Variants in MYRFL observed in about 807,000 individuals in gnomAD.
MYRFL encodes the protein myelin regulatory factor like.
Under a neutral mutation model 109.4 loss-of-function variants are expected in MYRFL, and 88 were observed. That is an observed-to-expected ratio of 0.80 (90% CI 0.68 to 0.96). The LOEUF is 0.96. MYRFL is among the 40% of genes least tolerant of loss of function. The pLI, the probability that MYRFL is intolerant of heterozygous loss-of-function variation, is 0.00. For missense variants in MYRFL, 957 were observed against 954.9 expected, an observed-to-expected ratio of 1.00 and a Z score of -0.03; for synonymous variants, 324 against 320.9, an observed-to-expected ratio of 1.01 and a Z score of -0.10.
intron 8 of MYRFL, 108 bp from the exon 9 acceptor site, chr12:69,895,263 G>A: frequency 1.3e-6 from 1 of 793,196 alleles, no homozygotes; most frequent in Non-Finnish European, 2.0e-6. Context: ...AGTGTGGTGA[G>A]AACTGGGAAC....
At chr12:69,921,710 G>A (rs1954921726) in intron 13 of MYRFL, among the ~76,000 whole-genome samples, 1 of 152,092 alleles carries the variant, frequency 6.6e-6, no homozygotes. Context: ...TCTTGAATAG[G>A]AAAATATATG....
intron 13 of MYRFL, among the ~76,000 whole-genome samples, chr12:69,915,274 T>C (rs1415537650): frequency 6.6e-6 from 1 of 152,184 alleles, no homozygotes; most frequent in Admixed American, 6.5e-5. Context: ...TGCCAGGACG[T>C]CCTGGGCTTC....
At chr12:69,882,004 C>T (rs929579577) in intron 5 of MYRFL, among the ~76,000 whole-genome samples, 3 of 152,172 alleles carry the variant, frequency 2.0e-5, no homozygotes, top group African/African-American at 7.2e-5. Context: ...GTCACTCAAA[C>T]CTTCCAAGAA....
At chr12:69,855,832 A>C (rs990279366) in intron 2 of MYRFL, among the ~76,000 whole-genome samples, 9 of 151,280 alleles carry the variant, frequency 5.9e-5, no homozygotes, top group African/African-American at 2.2e-4. Context: ...AGTTTTTTTA[A>C]TCTCTCAAAG....
chr12:69,832,634 T>A (rs540183630), intron 1 of MYRFL, among the ~76,000 whole-genome samples: 2 of 152,024 alleles, frequency 1.3e-5, no homozygotes, highest in East Asian at 3.9e-4. Context: ...GAAGAACATT[T>A]TAGGTAAAAA....
intron 6 of MYRFL, among the ~76,000 whole-genome samples, chr12:69,889,703 A>C (rs1015927445): frequency 2.0e-5 from 3 of 152,100 alleles, no homozygotes; most frequent in Admixed American, 6.5e-5. Flanking sequence ...AAAAAATACA[A>C]AAATTGGTTG....
At chr12:69,898,198 T>G (rs1453864568) in intron 10 of MYRFL, among the ~76,000 whole-genome samples, 1 of 152,216 alleles carries the variant, frequency 6.6e-6, no homozygotes, top group Non-Finnish European at 1.5e-5. Context: ...AAATGGCATC[T>G]CTCCTTGCCC....
rs544231620 is a variant in MYRFL, at chr12:69,940,486, A to T, written c.2224+3854A>T. Among the ~76,000 whole-genome samples, 599 of 150,432 alleles carry T rather than the reference A, an allele frequency of 4.0e-3. 8 individuals are homozygous for T. The highest frequency in any genetic ancestry group is 0.013 in the African/African-American group (549 of 41,148). On this transcript the variant is annotated intron_variant, in intron 19 of 24. Coordinates refer to ENST00000552032, the MANE Select transcript of MYRFL (RefSeq NM_182530.3). ...AAGTGAAGGAGAAATAAAATACTTT[A>T]CAGACAAGCAAATGCTGAGAGATTT...
At chr12:69,881,366 C>G (rs1035119045) in intron 5 of MYRFL, among the ~76,000 whole-genome samples, 36 of 152,328 alleles carry the variant, frequency 2.4e-4, no homozygotes, top group African/African-American at 8.4e-4. Context: ...CAGTTTGTCA[C>G]CTTAGCAAGA....
At chr12:69,916,663 G>A (rs903169502) in intron 13 of MYRFL, among the ~76,000 whole-genome samples, 1 of 151,854 alleles carries the variant, frequency 6.6e-6, no homozygotes, top group Non-Finnish European at 1.5e-5. Context: ...TTTCCCACTG[G>A]CCCTTTACTG....
Position 69,941,942 on chromosome 12 carries a change from G to A in MYRFL, c.2224+5310G>A, listed in dbSNP as rs1244882225. Reference sequence around the variant, plus strand: ...ATAAACTAGAAAATCTAGAAGAAATGGATAAATTCCTGGACACATACACTC... The same window carrying A: ...ATAAACTAGAAAATCTAGAAGAAATAGATAAATTCCTGGACACATACACTC... On this transcript the variant is annotated intron_variant, in intron 19 of 24. Transcript: ENST00000552032. Among the ~76,000 whole-genome samples the A allele has an allele frequency of 2.1e-4, 32 of 151,132 alleles. 1 individual carries two copies. The East Asian group carries it at 5.4e-3, about 26-fold the overall frequency.
chr12:69,939,203 G>A (rs2120497480), intron 19 of MYRFL, among the ~76,000 whole-genome samples: 1 of 152,328 alleles, frequency 6.6e-6, no homozygotes, highest in Admixed American at 6.5e-5. Context: ...GCTCAAGGAG[G>A]CCTGCCTGCC....
rs1440969017 is a variant in MYRFL, at chr12:69,952,194, G to A, written c.2287+19G>A. ...AGTGACTGTAAGTTGACATTTAAGTGACACTATTCTTTGGCTTTGCGGGGC... is the reference window on the plus strand; with the variant it reads ...AGTGACTGTAAGTTGACATTTAAGTAACACTATTCTTTGGCTTTGCGGGGC... On this transcript the variant is annotated intron_variant, in intron 20 of 24. Coordinates refer to ENST00000552032, the MANE Select transcript of MYRFL (RefSeq NM_182530.3). 6.5e-7 allele frequency: 1 copy of A among 1,535,302 alleles called. No individual in the cohort carries two copies. Among genetic ancestry groups the A allele is most frequent in the East Asian group, 2.4e-5 (1 of 40,922 alleles).
chr12:69,856,930 A>G (rs1884328155), intron 2 of MYRFL, among the ~76,000 whole-genome samples: 1 of 151,844 alleles, frequency 6.6e-6, no homozygotes, highest in African/African-American at 2.4e-5. Flanking sequence ...TTCTTATATG[A>G]CTTACGGTTT....
chr12:69,957,874 T>C lies in MYRFL; in HGVS notation c.2503T>C (p.Cys835Arg), dbSNP rs1956129447. ...GTGCAAATTCACCCTTGGAAATATA[T>C]GTTTCCATAGTAAAAGGGGAACCAA... ...FQCKFTLGNICFHSKRGTKGL... is the reference protein window; with the variant it reads ...FQCKFTLGNIRFHSKRGTKGL... The change falls in exon 23 of 25, where the codon TGT becomes CGT. Residue 835 changes from cysteine (C) to arginine (R), a missense_variant. Transcript: ENST00000552032. The C allele has an allele frequency of 6.5e-7, 1 of 1,535,206 alleles. No homozygotes were observed. The highest frequency in any genetic ancestry group is 8.7e-7 in the Non-Finnish European group (1 of 1,146,168).
chr12:69,953,430 G>A (rs1956026095), intron 21 of MYRFL, among the ~76,000 whole-genome samples: 1 of 152,150 alleles, frequency 6.6e-6, no homozygotes, highest in Non-Finnish European at 1.5e-5. Flanking sequence ...AGCAGAGGGT[G>A]CAAGTTGCTT....
chr12:69,949,554 G>T, intron 19 of MYRFL, among the ~76,000 whole-genome samples: 1 of 152,074 alleles, frequency 6.6e-6, no homozygotes, highest in Non-Finnish European at 1.5e-5. Context: ...TCCAACCCGC[G>T]GCCCATGGGC....
At chr12:69,857,566 C>A (rs1224649439) in intron 2 of MYRFL, among the ~76,000 whole-genome samples, 1 of 151,712 alleles carries the variant, frequency 6.6e-6, no homozygotes. Context: ...TTTCTTTCAT[C>A]AGTGTTTTAT....
chr12:69,895,025 G>C (rs1953940819), intron 8 of MYRFL, among the ~76,000 whole-genome samples: 1 of 152,234 alleles, frequency 6.6e-6, no homozygotes, highest in African/African-American at 2.4e-5. Context: ...TATCACAACA[G>C]TGGCGGCAGC....
Sources: allele counts gnomAD v4.1 joint callset (sites outside exome capture counted in the v4.1 genomes callset), GRCh38; gene constraint gnomAD v4.1.1; transcripts MANE v1.5; gene names NCBI Gene and HGNC (gene_info 2026-07-23, HGNC 2026-07-21).